CTNNA2: variants seen among roughly 807,000 people sequenced by gnomAD.
CTNNA2 encodes catenin alpha-2.
In CTNNA2, 42 loss-of-function variants were observed where a neutral mutation model predicts 101.0. That is an observed-to-expected ratio of 0.42 (90% CI 0.32 to 0.54). CTNNA2 has a LOEUF of 0.54. Among genes scored for constraint, CTNNA2 ranks in the 20% least tolerant of loss-of-function variants. CTNNA2 has a pLI of 0.14. For missense variants in CTNNA2, 871 were observed against 1,223.1 expected, an observed-to-expected ratio of 0.71 and a Z score of 4.29; for synonymous variants, 450 against 456.4, an observed-to-expected ratio of 0.99 and a Z score of 0.18.
intron 7 of CTNNA2, among the ~76,000 whole-genome samples, chr2:80,094,512 C>T (rs1346210431): frequency 6.6e-6 from 1 of 152,074 alleles, no homozygotes; most frequent in Non-Finnish European, 1.5e-5. Flanking sequence ...TCCATATGAA[C>T]TTTAAAGTAG....
chr2:79,365,043 G>A (rs1436428193), intron 3 of CTNNA2, among the ~76,000 whole-genome samples: 10 of 152,184 alleles, frequency 6.6e-5, no homozygotes, highest in Non-Finnish European at 1.5e-4. Flanking sequence ...TGGGAGGTGA[G>A]GTGGGTGGAT....
chr2:80,508,349 G>A (rs1688433117), intron 9 of CTNNA2, among the ~76,000 whole-genome samples: 1 of 152,100 alleles, frequency 6.6e-6, no homozygotes, highest in African/African-American at 2.4e-5. Context: ...GCCAGGCGTG[G>A]TGACACACAC....
intron 18 of CTNNA2, among the ~76,000 whole-genome samples, chr2:80,636,936 G>GA (rs1328753698): frequency 1.3e-5 from 2 of 152,126 alleles, no homozygotes; most frequent in African/African-American, 2.4e-5. Context: ...AGTAGTGCTA[G>GA]AAAAGATACA....
intron 11 of CTNNA2, among the ~76,000 whole-genome samples, chr2:80,552,445 C>T (rs1275271409): frequency 2.0e-5 from 3 of 152,206 alleles, no homozygotes; most frequent in Non-Finnish European, 2.9e-5. Context: ...GTAGCTTTTA[C>T]ATGTCTGCCA....
At chr2:79,568,737 T>G (rs370711554) in intron 1 of CTNNA2, among the ~76,000 whole-genome samples, 1 of 151,240 alleles carries the variant, frequency 6.6e-6, no homozygotes, top group Admixed American at 6.6e-5. Flanking sequence ...AAATATCACA[T>G]AGGGCCAGGC....
At chr2:79,811,538 A>G (rs1311804499) in intron 3 of CTNNA2, among the ~76,000 whole-genome samples, 1 of 152,304 alleles carries the variant, frequency 6.6e-6, no homozygotes, top group East Asian at 1.9e-4. Flanking sequence ...AATTGATCAT[A>G]CATGTAAGGA....
At chr2:79,547,273 GAT>G (rs1673797139) in intron 1 of CTNNA2, 2 of 152,096 alleles carry the variant, frequency 1.3e-5, no homozygotes, top group Admixed American at 1.3e-4. Context: ...AATAAATTTA[GAT>G]ATATAAACAA....
At chr2:80,098,946 G>C (rs910771275) in intron 7 of CTNNA2, among the ~76,000 whole-genome samples, 1 of 152,084 alleles carries the variant, frequency 6.6e-6, no homozygotes, top group African/African-American at 2.4e-5. Context: ...CTGACCCCTT[G>C]CACTTCCCAG....
At chr2:80,337,070 A>G (rs571339623) in intron 7 of CTNNA2, among the ~76,000 whole-genome samples, 1 of 152,300 alleles carries the variant, frequency 6.6e-6, no homozygotes, top group South Asian at 2.1e-4. Flanking sequence ...AGAAAATGAG[A>G]CAGAGCTGGG....
chr2:80,342,256 A>G (rs529064065), intron 7 of CTNNA2, among the ~76,000 whole-genome samples: 1 of 152,352 alleles, frequency 6.6e-6, no homozygotes, highest in East Asian at 1.9e-4. Context: ...TGGCATATCC[A>G]TTGCATCTAA....
chr2:80,000,964 A>C lies in CTNNA2; in HGVS notation c.1056+91167A>C, dbSNP rs561371714. ...GTGAGCAGGCTGACCTCCTAGGCTC[A>C]GGGTAGATGCTTCCAGCCAGTATGG... On this transcript the variant is annotated intron_variant, in intron 7 of 18. Coordinates refer to ENST00000402739, the MANE Select transcript of CTNNA2 (RefSeq NM_001282597.3). Among the ~76,000 whole-genome samples, 28 of 152,310 alleles carry C rather than the reference A, an allele frequency of 1.8e-4. No individual in the cohort carries two copies. In the South Asian group the frequency reaches 5.4e-3, roughly 29 times the overall value.
chr2:80,354,990 A>G lies in CTNNA2; in HGVS notation c.1057-38221A>G, dbSNP rs190921165. Among the ~76,000 whole-genome samples the G allele has an allele frequency of 2.5e-3, 385 of 152,020 alleles. 2 individuals are homozygous for G. Among genetic ancestry groups the G allele is most frequent in the Non-Finnish European group, 4.4e-3 (297 of 67,992 alleles). On this transcript the variant is annotated intron_variant, in intron 7 of 18. Transcript: ENST00000402739. ...TACAGGGAGTGCACTTAGTGGTAGG[A>G]TTCATGGTGTTTATTTTTCTGCCTC...
chr2:80,592,780 C>A (rs62151980), intron 15 of CTNNA2, among the ~76,000 whole-genome samples: 1 of 152,032 alleles, frequency 6.6e-6, no homozygotes, highest in Non-Finnish European at 1.5e-5. Context: ...ATAAAAAATA[C>A]GTTGGATTAA....
At chr2:79,622,361 A>G (rs1367952071) in intron 1 of CTNNA2, among the ~76,000 whole-genome samples, 2 of 152,166 alleles carry the variant, frequency 1.3e-5, no homozygotes, top group African/African-American at 4.8e-5. Flanking sequence ...TGGATGCGTT[A>G]AACTCTGAAA....
intron 2 of CTNNA2, among the ~76,000 whole-genome samples, chr2:79,251,241 A>G (rs1403375822): frequency 6.6e-6 from 1 of 152,150 alleles, no homozygotes; most frequent in Non-Finnish European, 1.5e-5. Context: ...GGCTGCAGCC[A>G]CTTCCAGTTT....
chr2:80,221,891 G>A (rs188898910), intron 7 of CTNNA2, among the ~76,000 whole-genome samples: 1 of 152,190 alleles, frequency 6.6e-6, no homozygotes, highest in South Asian at 2.1e-4. Flanking sequence ...TAATCATGCA[G>A]GTTTAATTGC....
intron 15 of CTNNA2, chr2:80,601,775 G>C (rs1368027471): frequency 6.6e-6 from 1 of 151,796 alleles, no homozygotes; most frequent in Non-Finnish European, 1.5e-5. Context: ...ATTAATATCT[G>C]TTTGTAATTT....
intron 3 of CTNNA2, among the ~76,000 whole-genome samples, chr2:79,750,673 T>C (rs942747725): frequency 3.3e-5 from 5 of 152,086 alleles, no homozygotes; most frequent in East Asian, 2.0e-4. Flanking sequence ...CCATCCTGGC[T>C]AACACAGTGA....
At chr2:80,098,177 G>A (rs891391431) in intron 7 of CTNNA2, among the ~76,000 whole-genome samples, 1 of 152,104 alleles carries the variant, frequency 6.6e-6, no homozygotes, top group Admixed American at 6.5e-5. Context: ...CGTACAAATG[G>A]GTTTTTGGTG....
Sources: gnomAD v4.1 joint callset for allele counts (sites outside exome capture counted in the v4.1 genomes callset) on GRCh38, gnomAD v4.1.1 for gene constraint, MANE v1.5 for transcripts, NCBI Gene and HGNC (gene_info 2026-07-23, HGNC 2026-07-21) for gene names.